MYBPC2: variants seen among roughly 807,000 people sequenced by gnomAD.
MYBPC2 encodes myosin-binding protein C, fast-type.
In MYBPC2, 122 loss-of-function variants were observed where a neutral mutation model predicts 137.0. The observed-to-expected ratio is 0.89, with a 90% CI of 0.77 to 1.03. The LOEUF is 1.03. Among genes scored for constraint, MYBPC2 ranks in the 50% least tolerant of loss-of-function variants. The pLI, the probability that MYBPC2 is intolerant of heterozygous loss-of-function variation, is 0.00. For missense variants in MYBPC2, 1,500 were observed against 1,534.4 expected (o/e 0.98, Z 0.37); for synonymous variants, 626 against 612.3 (o/e 1.02, Z -0.33).
At chr19:50,453,075 TG>T (rs2039875715) in intron 16 of MYBPC2, among the ~76,000 whole-genome samples, 1 of 152,228 alleles carries the variant, frequency 6.6e-6, no homozygotes, top group East Asian at 1.9e-4. Context: ...ATGAGTTGGA[TG>T]CGGCTCCTGC....
intron 20 of MYBPC2, among the ~76,000 whole-genome samples, chr19:50,457,677 A>T (rs1190483973): frequency 7.7e-6 from 1 of 130,182 alleles, no homozygotes; most frequent in African/African-American, 3.3e-5. Flanking sequence ...GTACCTGGGG[A>T]AAGTTTTTTT....
At position 50,458,663 on chromosome 19, in the gene MYBPC2, C is replaced by CA; in HGVS notation, c.2416dup (p.Arg806LysfsTer154). 1 of 1,612,714 alleles carries CA rather than the reference C, an allele frequency of 6.2e-7. No individual in the cohort carries two copies. Among genetic ancestry groups the CA allele is most frequent in the Non-Finnish European group, 8.5e-7 (1 of 1,179,898 alleles). ...CCGTCAAGAATCTCCCGACCGGAGC[C>CA]AGAATCCTCTTCCGAGTAGTTGGGG... On this transcript the variant is annotated frameshift_variant, in exon 21 of 28. Coordinates refer to ENST00000357701, the MANE Select transcript of MYBPC2 (RefSeq NM_004533.4). LOFTEE classifies it high-confidence loss of function.
At chr19:50,462,817 G>A (rs1369837289) in intron 26 of MYBPC2, among the ~76,000 whole-genome samples, 1 of 152,016 alleles carries the variant, frequency 6.6e-6, no homozygotes, top group East Asian at 1.9e-4. Context: ...CCAAAGTGCT[G>A]GGATTACAGG....
Position 50,436,129 on chromosome 19 carries a change from C to T in MYBPC2, c.314C>T (p.Ser105Phe). 1 of 1,582,398 alleles carries T rather than the reference C, an allele frequency of 6.3e-7. No individual in the cohort carries two copies. Among genetic ancestry groups the T allele is most frequent in the Non-Finnish European group, 8.6e-7 (1 of 1,164,652 alleles). The part of the protein sequence containing the change: ...ELGSKSGARF[S>F]FKESHNSASN... ...GGCAGCAAGAGTGGCGCCCGCTTCT[C>T]CTTCAAGGAGTCCCACAACTCCGCC... The change falls in exon 4 of 28, where the codon TCC becomes TTC. Residue 105 changes from serine (S) to phenylalanine (F), a missense_variant. Coordinates refer to ENST00000357701, the MANE Select transcript of MYBPC2 (RefSeq NM_004533.4).
chr19:50,446,184 C>A, intron 12 of MYBPC2, 132 bp downstream of exon 12: 1 of 1,108,634 alleles, frequency 9.0e-7, no homozygotes, highest in Non-Finnish European at 1.3e-6. Context: ...GTTCAGCCCA[C>A]CAGGGAGATC....
chr19:50,452,415 TATCTATATA>T (rs2039866791), intron 16 of MYBPC2, among the ~76,000 whole-genome samples: 2 of 140,226 alleles, frequency 1.4e-5, no homozygotes, highest in Admixed American at 1.5e-4. Context: ...CACTTCAATC[TATCTATATA>T]ATCTATCTAA....
chr19:50,461,496 A>G (rs777113450), intron 24 of MYBPC2, 46 bp from the exon 25 acceptor site: 16 of 1,588,048 alleles, frequency 1.0e-5, no homozygotes, highest in Non-Finnish European at 1.4e-5. Flanking sequence ...TAATCGTGTG[A>G]TCCTGTGGCC....
intron 5 of MYBPC2, 79 bp from the exon 6 acceptor site, chr19:50,437,394 A>T: frequency 1.4e-6 from 2 of 1,448,702 alleles, no homozygotes; most frequent in South Asian, 1.2e-5. Context: ...GAGGTTGTGC[A>T]GGCCTGGAGA....
chr19:50,444,369 A>G (rs548845795), intron 11 of MYBPC2, among the ~76,000 whole-genome samples: 1 of 152,196 alleles, frequency 6.6e-6, no homozygotes, highest in East Asian at 1.9e-4. Flanking sequence ...CTACTCATTC[A>G]TATATCCACT....
intron 23 of MYBPC2, 30 bp downstream of exon 23, chr19:50,459,336 C>T: frequency 3.9e-6 from 6 of 1,539,426 alleles, no homozygotes; most frequent in Non-Finnish European, 5.3e-6. Flanking sequence ...CCCCTGGAGG[C>T]CGGGAGGGGC....
Position 50,459,145 on chromosome 19 carries a change from G to A in MYBPC2, c.2630G>A (p.Gly877Asp). Residue 877 changes from glycine (G) to aspartate (D), a missense_variant, in exon 23 of 28, where the codon GGC becomes GAC. By Grantham distance (94) the Gly-to-Asp change is moderately conservative. Transcript: ENST00000357701. ...CGGCCCCAGGTGGTGTGGACCAAGG[G>A]CGGGGCCCCGCTGGACACCTCCCGC... ...KPRPQVVWTK[G>D]GAPLDTSRVH... 6.3e-7 allele frequency: 1 copy of A among 1,588,112 alleles called. No individual in the cohort carries two copies. The highest frequency in any genetic ancestry group is 8.5e-7 in the Non-Finnish European group (1 of 1,169,778).
intron 16 of MYBPC2, 45 bp downstream of exon 16, chr19:50,452,048 G>A: frequency 6.5e-7 from 1 of 1,531,778 alleles, no homozygotes; most frequent in Non-Finnish European, 8.9e-7. Context: ...TTCCGTTTAG[G>A]CAAGTCTCTT....
intron 27 of MYBPC2, 114 bp downstream of exon 27, chr19:50,464,646 C>A (rs1274655583): frequency 1.6e-6 from 2 of 1,213,070 alleles, no homozygotes; most frequent in Non-Finnish European, 2.2e-6. Flanking sequence ...GAGACCAGCC[C>A]TCTGGGAGGA....
rs754488058 is a variant in MYBPC2 at position 50,442,173 on chromosome 19, A to C, written c.770-8A>C. On this transcript the variant is annotated splice_polypyrimidine_tract_variant and splice_region_variant and intron_variant, in intron 8 of 27. Transcript: ENST00000357701. ...GCCTCCATCCCCTTTGCATGCCTCA[A>C]TCTTCAGCATTCACAAAGAAGCTGG... 6.3e-7 allele frequency: 1 copy of C among 1,584,412 alleles called. No homozygotes were observed.
chr19:50,445,332 T>C (rs1247797521), intron 11 of MYBPC2, among the ~76,000 whole-genome samples: 4 of 151,912 alleles, frequency 2.6e-5, no homozygotes, highest in Non-Finnish European at 4.4e-5. Context: ...AGCCAATACC[T>C]TGGTACCTTG....
intron 16 of MYBPC2, among the ~76,000 whole-genome samples, chr19:50,452,264 TC>T (rs2039865595): frequency 6.6e-6 from 1 of 152,198 alleles, no homozygotes. Context: ...CAGTAACTCA[TC>T]CGCCCATCCA....
chr19:50,463,993 C>T (rs2463245), intron 26 of MYBPC2, among the ~76,000 whole-genome samples: 1 of 150,540 alleles, frequency 6.6e-6, no homozygotes, highest in Non-Finnish European at 1.5e-5. Context: ...CCAGTGCCAG[C>T]GTCCTGAGGT....
At chr19:50,433,735 C>T (rs569112101) in intron 1 of MYBPC2, among the ~76,000 whole-genome samples, 5 of 150,000 alleles carry the variant, frequency 3.3e-5, no homozygotes, top group Admixed American at 2.7e-4. Flanking sequence ...TCTCCACATC[C>T]GGGGATGGCA....
chr19:50,435,082 G>C lies in MYBPC2; in HGVS notation c.20-79G>C. On this transcript the variant is annotated intron_variant, in intron 1 of 27. Coordinates refer to ENST00000357701, the MANE Select transcript of MYBPC2 (RefSeq NM_004533.4). This position sits in a 1 kb window ranked among gnomAD's most constrained non-coding sequence, Gnocchi z 4.8. ...GGGTCTGAGGGAGGAGGGGCTGGGG[G>C]GTCTGGACTCCTGCGTCTGAGGGAG... is the stretch of plus-strand genomic sequence containing the variant. 1 of 710,212 alleles carries C rather than the reference G, an allele frequency of 1.4e-6. No individual in the cohort carries two copies. 44.0% of individuals were successfully genotyped at this position (710,212 alleles called of 1,614,324 possible).
Sources: gnomAD v4.1 joint callset for allele counts (sites outside exome capture counted in the v4.1 genomes callset) on GRCh38, gnomAD v4.1.1 for gene constraint, Gnocchi (gnomAD v3.1) non-coding constraint, MANE v1.5 for transcripts, NCBI Gene and HGNC (gene_info 2026-07-23, HGNC 2026-07-21) for gene names.